Variants in NIBAN2 observed in about 807,000 individuals in gnomAD.
The protein encoded by NIBAN2 is niban apoptosis regulator 2.
In NIBAN2, 36 loss-of-function variants were observed where a neutral mutation model predicts 81.8. The observed-to-expected ratio is 0.44, with a 90% CI of 0.34 to 0.58. The LOEUF (loss-of-function observed/expected upper bound fraction) is 0.58. NIBAN2 is among the 20% of genes least tolerant of loss of function. The pLI is 0.02. For missense variants in NIBAN2, 897 were observed against 1,014.1 expected (o/e 0.88, Z 1.57); for synonymous variants, 445 against 441.6 (o/e 1.01, Z -0.10).
At chr9:127,528,596 C>G (rs1256640864) in intron 2 of NIBAN2, among the ~76,000 whole-genome samples, 1 of 152,140 alleles carries the variant, frequency 6.6e-6, no homozygotes, top group Non-Finnish European at 1.5e-5. Context: ...ACAAAACACT[C>G]CTGGAGAAGG....
Position 127,548,457 on chromosome 9 carries a change from G to A in NIBAN2, c.56-16679C>T, listed in dbSNP as rs1037639352. Among the ~76,000 whole-genome samples the A allele has an allele frequency of 4.6e-5, 7 of 152,170 alleles. No individual in the cohort carries two copies. In the East Asian group the frequency reaches 5.8e-4, roughly 13 times the overall value. On this transcript the variant is annotated intron_variant, in intron 1 of 13. Coordinates refer to ENST00000373312, the MANE Select transcript of NIBAN2 (RefSeq NM_022833.4). The stretch of plus-strand genomic sequence containing the variant: ...TCGTCCAGCTCTGCCGCCAACTCAC[G>A]TGTGGCCCTGGGCAAGTTCTGGTCT...
chr9:127,576,726 A>G (rs1838012621), intron 1 of NIBAN2, among the ~76,000 whole-genome samples: 1 of 151,654 alleles, frequency 6.6e-6, no homozygotes, highest in Non-Finnish European at 1.5e-5. Context: ...CAGCCTGGGC[A>G]ACATAGCAAG....
At chr9:127,549,448 C>G (rs570529642) in intron 1 of NIBAN2, among the ~76,000 whole-genome samples, 3 of 152,076 alleles carry the variant, frequency 2.0e-5, no homozygotes, top group Non-Finnish European at 4.4e-5. Context: ...GGCACACACA[C>G]GCACATTCAC....
intron 1 of NIBAN2, among the ~76,000 whole-genome samples, chr9:127,556,427 A>T (rs115044316): frequency 8.6e-4 from 130 of 151,812 alleles, no homozygotes; most frequent in African/African-American, 3.0e-3. Context: ...TGGGATCCCC[A>T]TGCTCCCAGG....
At chr9:127,566,465 G>A (rs970063371) in intron 1 of NIBAN2, among the ~76,000 whole-genome samples, 2 of 152,256 alleles carry the variant, frequency 1.3e-5, no homozygotes, top group East Asian at 1.9e-4. Flanking sequence ...CTGCTTGCCA[G>A]GGGCTTTGAA....
intron 1 of NIBAN2, among the ~76,000 whole-genome samples, chr9:127,577,123 C>A (rs1438572237): frequency 6.6e-6 from 1 of 151,806 alleles, no homozygotes; most frequent in African/African-American, 2.4e-5. Context: ...GCCTGGCCAA[C>A]ATGGTGAAAG....
At chr9:127,562,831 C>G (rs555899034) in intron 1 of NIBAN2, among the ~76,000 whole-genome samples, 4 of 152,284 alleles carry the variant, frequency 2.6e-5, no homozygotes, top group African/African-American at 9.6e-5. Flanking sequence ...GAAAGTGACC[C>G]TCTGTCCTCA....
intron 3 of NIBAN2, among the ~76,000 whole-genome samples, chr9:127,525,494 A>G (rs1053065598): frequency 7.9e-5 from 12 of 152,162 alleles, no homozygotes; most frequent in Admixed American, 2.0e-4. Flanking sequence ...GATGGGGAAA[A>G]CATTTTAAAA....
intron 1 of NIBAN2, among the ~76,000 whole-genome samples, chr9:127,578,570 G>A (rs932628202): frequency 9.2e-5 from 14 of 151,924 alleles, no homozygotes; most frequent in Non-Finnish European, 1.6e-4. Context: ...GCTGAGGCAG[G>A]AGAATCGCTT....
At chr9:127,522,827 C>G (rs1564301078) in intron 5 of NIBAN2, among the ~76,000 whole-genome samples, 1 of 151,932 alleles carries the variant, frequency 6.6e-6, no homozygotes, top group African/African-American at 2.4e-5. Context: ...CTCAAGGGAG[C>G]CTGCCCTGAT....
intron 1 of NIBAN2, among the ~76,000 whole-genome samples, chr9:127,567,269 C>T (rs903069996): frequency 6.6e-6 from 1 of 152,292 alleles, no homozygotes; most frequent in African/African-American, 2.4e-5. Flanking sequence ...ACAGGAGGTC[C>T]TGAATGGAGG....
chr9:127,554,472 A>C (rs557678856), intron 1 of NIBAN2, among the ~76,000 whole-genome samples: 7 of 151,234 alleles, frequency 4.6e-5, no homozygotes, highest in African/African-American at 1.7e-4. Context: ...AGAATGGCTT[A>C]GATTCTGAAG....
At chr9:127,570,105 T>C (rs1436699993), upstream of NIBAN2, among the ~76,000 whole-genome samples, 1 of 152,178 alleles carries the variant, frequency 6.6e-6, no homozygotes, top group Non-Finnish European at 1.5e-5. Context: ...CACTTTCTGC[T>C]TGTTGACCCC....
intron 1 of NIBAN2, among the ~76,000 whole-genome samples, chr9:127,553,867 C>T (rs1183619653): frequency 1.3e-5 from 2 of 152,160 alleles, no homozygotes; most frequent in Non-Finnish European, 2.9e-5. Flanking sequence ...AGGCTTGTGC[C>T]ACCATGCCTG....
At chr9:127,556,520 C>G (rs948903917) in intron 1 of NIBAN2, among the ~76,000 whole-genome samples, 3 of 152,200 alleles carry the variant, frequency 2.0e-5, no homozygotes, top group Admixed American at 6.5e-5. Flanking sequence ...ACAATTTGCA[C>G]TAATAAATGT....
chr9:127,508,150 C>A lies in NIBAN2; in HGVS notation c.1485G>T (p.Ala495=). 1 of 1,613,606 alleles carries A rather than the reference C, an allele frequency of 6.2e-7. No homozygotes were observed. The highest frequency in any genetic ancestry group is 8.5e-7 in the Non-Finnish European group (1 of 1,180,020). The change falls in exon 12 of 14, where the codon GCG becomes GCT. Residue 495 remains alanine (A), a synonymous_variant. Transcript: ENST00000373312. This position sits in a 1 kb window ranked among gnomAD's most constrained non-coding sequence, Gnocchi z 6.4. ...GGAACGGGATGCTGATCTGCAGCAG[C>A]GCCTCCCGGAAGAACCTCTTCCGCA... is the stretch of plus-strand genomic sequence containing the variant. ...SSVRKRFFRE[A]LLQISIPFLL... is the part of the protein sequence containing the mutation.
chr9:127,518,782 A>G (rs1430166939), intron 5 of NIBAN2, among the ~76,000 whole-genome samples: 1 of 152,210 alleles, frequency 6.6e-6, no homozygotes, highest in Non-Finnish European at 1.5e-5. Flanking sequence ...CTTTTTATCA[A>G]TAACTGAGGA....
upstream of NIBAN2, among the ~76,000 whole-genome samples, chr9:127,573,493 A>G (rs1279727442): frequency 6.7e-6 from 1 of 150,334 alleles, no homozygotes; most frequent in Non-Finnish European, 1.5e-5. Flanking sequence ...AGTCATCAGC[A>G]CTATGAAGGA....
rs781302001 is a variant in NIBAN2 at position 127,508,403 on chromosome 9, AGGGCGTGG to A, written c.1434+11_1434+18del. 1 of 1,559,434 alleles carries A rather than the reference AGGGCGTGG, an allele frequency of 6.4e-7. No homozygotes were observed. Among genetic ancestry groups the A allele is most frequent in the Admixed American group, 1.7e-5 (1 of 59,908 alleles). ...GGCCTCGCCTAGGACGGTCCGGGGC[AGGGCGTGG>A]GGCCGCTCACCTTCAGCACCCGCTC... On this transcript the variant is annotated intron_variant, in intron 11 of 13. Coordinates refer to ENST00000373312, the MANE Select transcript of NIBAN2 (RefSeq NM_022833.4). This position sits in a 1 kb window ranked among gnomAD's most constrained non-coding sequence, Gnocchi z 6.4.
Sources: allele counts gnomAD v4.1 joint callset (sites outside exome capture counted in the v4.1 genomes callset), GRCh38; gene constraint gnomAD v4.1.1; non-coding constraint Gnocchi (gnomAD v3.1); transcripts MANE v1.5; gene names NCBI Gene and HGNC (gene_info 2026-07-23, HGNC 2026-07-21).